ZMIZ1: variants seen among roughly 807,000 people sequenced by gnomAD.
The protein encoded by ZMIZ1 is zinc finger MIZ-type containing 1, also known as zinc finger MIZ domain-containing protein 1.
Under a neutral mutation model 113.9 loss-of-function variants are expected in ZMIZ1, and 17 were observed. That is an observed-to-expected ratio of 0.15 (90% confidence interval 0.10 to 0.22). The LOEUF (loss-of-function observed/expected upper bound fraction) is 0.22. ZMIZ1 is among the 10% of genes least tolerant of loss of function. ZMIZ1 has a pLI of 1.00. For synonymous variants in ZMIZ1, 607 were observed against 603.1 expected, an observed-to-expected ratio of 1.01 and a Z score of -0.09; for missense variants, 1,059 against 1,477.8, an observed-to-expected ratio of 0.72 and a Z score of 4.65.
intron 11 of ZMIZ1, 99 bp from the exon 12 acceptor site, chr10:79,293,282 C>T: frequency 6.8e-7 from 1 of 1,463,826 alleles, no homozygotes; most frequent in Non-Finnish European, 9.2e-7. Context: ...CTCCCCACTC[C>T]TCCACCTCCC....
intron 7 of ZMIZ1, among the ~76,000 whole-genome samples, chr10:79,263,116 C>G (rs894758942): frequency 3.3e-5 from 5 of 152,234 alleles, no homozygotes; most frequent in African/African-American, 9.6e-5. Flanking sequence ...CGCGTAAGTA[C>G]CACTGCATGC....
At chr10:79,070,594 C>G (rs1046774158) in intron 1 of ZMIZ1, among the ~76,000 whole-genome samples, 4 of 152,136 alleles carry the variant, frequency 2.6e-5, no homozygotes, top group African/African-American at 4.8e-5. Context: ...AGCCCTACCC[C>G]TCTACCTGCA....
chr10:79,272,732 A>C (rs1352815870), intron 7 of ZMIZ1, among the ~76,000 whole-genome samples: 1 of 152,232 alleles, frequency 6.6e-6, no homozygotes, highest in East Asian at 1.9e-4. Flanking sequence ...ACAAGGATGC[A>C]GTTTGGAGAG....
intron 1 of ZMIZ1, among the ~76,000 whole-genome samples, chr10:79,072,681 C>T (rs1029416185): frequency 1.3e-5 from 2 of 152,236 alleles, no homozygotes; most frequent in African/African-American, 4.8e-5. Flanking sequence ...GCAGGGCCTG[C>T]TGGTTCGTGG....
intron 1 of ZMIZ1, among the ~76,000 whole-genome samples, chr10:79,083,766 C>T (rs756185230): frequency 1.3e-5 from 2 of 152,166 alleles, no homozygotes; most frequent in Middle Eastern, 3.2e-3. Context: ...AGGCTGTGGC[C>T]AGGAGCCCAC....
intron 1 of ZMIZ1, among the ~76,000 whole-genome samples, chr10:79,104,716 A>G (rs538235825): frequency 1.3e-5 from 2 of 152,004 alleles, no homozygotes; most frequent in South Asian, 4.2e-4. Flanking sequence ...GCCAAACCCA[A>G]CTCTGGAGGC....
intron 8 of ZMIZ1, chr10:79,285,739 A>T: frequency 2.7e-6 from 1 of 370,156 alleles, no homozygotes; most frequent in South Asian, 2.0e-5. Flanking sequence ...GAAATCAGTG[A>T]CAGCTCCTGA....
chr10:79,312,846 C>T lies in ZMIZ1; in HGVS notation c.*97C>T, dbSNP rs575046824. 1.1e-4 allele frequency: 131 copies of T among 1,166,634 alleles called. No homozygotes were observed. The highest frequency in any genetic ancestry group is 1.6e-4 in the Non-Finnish European group (125 of 803,290). 72.3% of individuals were successfully genotyped at this position (1,166,634 alleles called of 1,614,324 possible). A position where few individuals can be genotyped will look rare whatever the true frequency, so the allele number is the denominator to read the frequency against. On this transcript the variant is annotated 3_prime_UTR_variant, in exon 25 of 25. Coordinates refer to ENST00000334512, the MANE Select transcript of ZMIZ1 (RefSeq NM_020338.4). ...GGGAGCCTGTGCCCTCAGACCGCCC[C>T]GCACCAGAGCCACGGGCTGTGGGGC...
chr10:79,300,082 C>T (rs953309198), intron 16 of ZMIZ1, among the ~76,000 whole-genome samples: 3 of 152,300 alleles, frequency 2.0e-5, no homozygotes, highest in Middle Eastern at 3.4e-3. Context: ...CTGGTGTGGG[C>T]GTTCAGAACA....
intron 4 of ZMIZ1, among the ~76,000 whole-genome samples, chr10:79,183,213 T>A (rs1847196021): frequency 6.6e-6 from 1 of 152,212 alleles, no homozygotes; most frequent in Non-Finnish European, 1.5e-5. Context: ...TGCCTGTTCT[T>A]GGGAATTCAC....
intron 4 of ZMIZ1, among the ~76,000 whole-genome samples, chr10:79,179,811 A>G (rs1002394446): frequency 1.3e-5 from 2 of 152,242 alleles, no homozygotes; most frequent in African/African-American, 2.4e-5. Context: ...CAGGCCCACA[A>G]GGGGGCAGAG....
intron 18 of ZMIZ1, among the ~76,000 whole-genome samples, chr10:79,302,681 CT>C (rs758621365): frequency 0.17 from 7,310 of 41,778 alleles, 329 homozygotes; most frequent in African/African-American, 0.24. Context: ...ACAGCTCATG[CT>C]TTTTTTTTTT....
chr10:79,201,735 G>C, intron 5 of ZMIZ1, 43 bp downstream of exon 5: 2 of 1,603,756 alleles, frequency 1.2e-6, no homozygotes, highest in Admixed American at 1.7e-5. Flanking sequence ...GGGCAGATGG[G>C]GCGGGCTGCA....
Position 79,311,199 on chromosome 10 carries a change from C to T in ZMIZ1, c.3096+15C>T. The T allele has an allele frequency of 1.2e-6, 2 of 1,601,206 alleles. No homozygotes were observed. The highest frequency in any genetic ancestry group is 1.7e-5 in the Admixed American group (1 of 59,602). ...CTTCGCTGGATGTAAGTTGGGGTCG[C>T]CACTCGCCTTGGCCTGGGGCTAGGC... On this transcript the variant is annotated intron_variant, in intron 24 of 24. Coordinates refer to ENST00000334512, the MANE Select transcript of ZMIZ1 (RefSeq NM_020338.4).
rs1855418050 is a variant in ZMIZ1, at chr10:79,314,615, G to T, written c.*1866G>T. The T allele has an allele frequency of 4.2e-6, 1 of 236,586 alleles. No individual in the cohort carries two copies. The highest frequency in any genetic ancestry group is 8.5e-6 in the Non-Finnish European group (1 of 117,776). The allele number at this position is 236,586 out of a possible 1,614,324, so 14.7% of individuals were successfully genotyped here. A position where few individuals can be genotyped will look rare whatever the true frequency, so the allele number is the denominator to read the frequency against. ...CTTTGATAATATTCAACATTTTCAT[G>T]ACCTGGTTATAGCCTTTGCTGGTGT... On this transcript the variant is annotated 3_prime_UTR_variant, in exon 25 of 25. Transcript: ENST00000334512.
intron 7 of ZMIZ1, among the ~76,000 whole-genome samples, chr10:79,261,898 C>A (rs1326786170): frequency 6.6e-6 from 1 of 152,190 alleles, no homozygotes. Flanking sequence ...TAGTTCATAA[C>A]TAGTAGATAA....
At chr10:79,251,172 G>T (rs1412440005) in intron 7 of ZMIZ1, among the ~76,000 whole-genome samples, 1 of 151,890 alleles carries the variant, frequency 6.6e-6, no homozygotes, top group African/African-American at 2.4e-5. Context: ...ACCCCACAAA[G>T]GTGCCCTCCC....
chr10:79,289,594 A>G (rs1489623693), intron 8 of ZMIZ1, among the ~76,000 whole-genome samples, 181 bp from the exon 9 acceptor site: 1 of 152,202 alleles, frequency 6.6e-6, no homozygotes, highest in African/African-American at 2.4e-5. Flanking sequence ...GCCTGTCACC[A>G]TGCAGGGCAC....
At chr10:79,223,245 G>T (rs371811368) in intron 7 of ZMIZ1, among the ~76,000 whole-genome samples, 1 of 152,250 alleles carries the variant, frequency 6.6e-6, no homozygotes, top group Non-Finnish European at 1.5e-5. Context: ...CGCCCAGTGA[G>T]CAGGCAGGAT....
Sources: allele counts gnomAD v4.1 joint callset (sites outside exome capture counted in the v4.1 genomes callset), GRCh38; gene constraint gnomAD v4.1.1; transcripts MANE v1.5; gene names NCBI Gene and HGNC (gene_info 2026-07-23, HGNC 2026-07-21).